SRRM4: variants seen among roughly 807,000 people sequenced by gnomAD.
The protein encoded by SRRM4 is serine/arginine repetitive matrix 4, also known as serine/arginine repetitive matrix protein 4.
Under a neutral mutation model 68.9 loss-of-function variants are expected in SRRM4, and 33 were observed. That is an observed-to-expected ratio of 0.48 (90% CI 0.36 to 0.64). The LOEUF is 0.64. Among genes scored for constraint, SRRM4 ranks in the 30% least tolerant of loss-of-function variants. The probability of loss-of-function intolerance (pLI) is 0.00; values close to 1 mark genes in which losing one functional copy is unlikely to be tolerated. For synonymous variants in SRRM4, 318 were observed against 318.8 expected (o/e 1.00, Z 0.03); for missense variants, 817 against 827.1 (o/e 0.99, Z 0.15).
intron 1 of SRRM4, among the ~76,000 whole-genome samples, chr12:119,080,591 C>T (rs1235167746): frequency 1.3e-5 from 2 of 152,220 alleles, no homozygotes; most frequent in African/African-American, 2.4e-5. Context: ...CACCATGTGG[C>T]TCCTTCTTCC....
intron 1 of SRRM4, among the ~76,000 whole-genome samples, chr12:119,032,461 G>C (rs896051425): frequency 6.6e-6 from 1 of 152,168 alleles, no homozygotes; most frequent in Non-Finnish European, 1.5e-5. Flanking sequence ...TGACTTTGGA[G>C]AGGAGAGTAT....
At chr12:119,120,425 T>A (rs981495502) in intron 5 of SRRM4, 149 bp downstream of exon 5, 3 of 870,330 alleles carry the variant, frequency 3.4e-6, no homozygotes, top group Non-Finnish European at 5.2e-6. Flanking sequence ...AAAATGAAGG[T>A]CTGGGCTGTT....
intron 1 of SRRM4, among the ~76,000 whole-genome samples, chr12:119,057,954 C>T (rs572371225): frequency 1.3e-5 from 2 of 152,134 alleles, no homozygotes; most frequent in Non-Finnish European, 2.9e-5. Context: ...TGATCTTCCC[C>T]AAGGGATGCC....
At chr12:119,084,451 T>C (rs1173104361) in intron 1 of SRRM4, among the ~76,000 whole-genome samples, 4 of 152,204 alleles carry the variant, frequency 2.6e-5, no homozygotes, top group Non-Finnish European at 4.4e-5. Flanking sequence ...TGAAGAAATA[T>C]GTATTACATA....
intron 1 of SRRM4, among the ~76,000 whole-genome samples, chr12:119,020,090 CA>C (rs2136001304): frequency 6.6e-6 from 1 of 151,994 alleles, no homozygotes; most frequent in Non-Finnish European, 1.5e-5. Flanking sequence ...GGGTAAACTC[CA>C]GCCCTCACTT....
intron 1 of SRRM4, among the ~76,000 whole-genome samples, chr12:119,081,033 C>T (rs1304278786): frequency 6.6e-6 from 1 of 152,176 alleles, no homozygotes; most frequent in Non-Finnish European, 1.5e-5. Flanking sequence ...AATCCATTTG[C>T]TTGTTCATTT....
intron 8 of SRRM4, among the ~76,000 whole-genome samples, chr12:119,135,152 A>G (rs1278788632): frequency 2.0e-5 from 3 of 152,146 alleles, no homozygotes; most frequent in Non-Finnish European, 4.4e-5. Context: ...GCTTACCCTG[A>G]TAGTTGGCAT....
rs181508997 is a variant in SRRM4, at chr12:119,135,279, A to G, written c.771+4445A>G. Among the ~76,000 whole-genome samples the G allele has an allele frequency of 2.0e-5, 3 of 152,266 alleles. No homozygotes were observed. In the East Asian group the frequency reaches 5.8e-4, roughly 29 times the overall value. The stretch of plus-strand genomic sequence containing the variant: ...GCTCTCTATCAAGTCTATCATAACC[A>G]GAGAGGAATTCTAGAAGGAGGCTGA... On this transcript the variant is annotated intron_variant, in intron 8 of 12. Transcript: ENST00000267260.
intron 1 of SRRM4, among the ~76,000 whole-genome samples, chr12:119,063,136 T>C (rs906388508): frequency 3.9e-5 from 6 of 152,240 alleles, no homozygotes; most frequent in Non-Finnish European, 8.8e-5. Flanking sequence ...TACTAAATAC[T>C]TGGCACTCTG....
chr12:119,028,790 G>C (rs1194839439), intron 1 of SRRM4, among the ~76,000 whole-genome samples: 1 of 152,218 alleles, frequency 6.6e-6, no homozygotes, highest in African/African-American at 2.4e-5. Context: ...GGCTGCACAT[G>C]CAGGAGAGAC....
At chr12:119,133,126 TCA>T (rs1954308136) in intron 8 of SRRM4, 1 of 152,220 alleles carries the variant, frequency 6.6e-6, no homozygotes, top group African/African-American at 2.4e-5. Context: ...TTTCTGTGTC[TCA>T]GTTTCCTCAA....
intron 8 of SRRM4, among the ~76,000 whole-genome samples, chr12:119,135,459 A>T (rs1459279693): frequency 6.6e-6 from 1 of 152,222 alleles, no homozygotes; most frequent in Non-Finnish European, 1.5e-5. Flanking sequence ...GTAGTCCATA[A>T]AAGAGGATCT....
At chr12:119,152,620 G>C (rs1954446936) in intron 10 of SRRM4, among the ~76,000 whole-genome samples, 1 of 152,222 alleles carries the variant, frequency 6.6e-6, no homozygotes, top group African/African-American at 2.4e-5. Flanking sequence ...ATATGGTGCA[G>C]TGAATGGAAA....
In SRRM4 at chr12:119,160,676, A is replaced by T. The variant is rs1289567556; in HGVS notation, c.*3878A>T. 2 of 152,222 alleles carry T rather than the reference A, an allele frequency of 1.3e-5. No homozygotes were observed. Among genetic ancestry groups the T allele is most frequent in the African/African-American group, 4.8e-5 (2 of 41,450 alleles). 9.4% of individuals were successfully genotyped at this position (152,222 alleles called of 1,614,324 possible). A position where few individuals can be genotyped will look rare whatever the true frequency, so the allele number is the denominator to read the frequency against. On this transcript the variant is annotated 3_prime_UTR_variant, in exon 13 of 13. Transcript: ENST00000267260. ...CTAGGGCAAAGTTCGACCTCTGTTA[A>T]GTGGAGGGATTTGTGAGATAAAAAT...
intron 1 of SRRM4, among the ~76,000 whole-genome samples, chr12:119,061,761 G>T (rs1489124603): frequency 6.6e-6 from 1 of 151,968 alleles, no homozygotes; most frequent in African/African-American, 2.4e-5. Context: ...TTGACATATG[G>T]GGCTGGATAA....
intron 1 of SRRM4, among the ~76,000 whole-genome samples, chr12:119,100,471 C>G (rs1954071989): frequency 6.6e-6 from 1 of 151,642 alleles, no homozygotes; most frequent in Non-Finnish European, 1.5e-5. Context: ...TCCTGGACAA[C>G]ACAGTGAGAC....
chr12:119,106,688 A>T (rs553964360), intron 2 of SRRM4, among the ~76,000 whole-genome samples: 1 of 152,350 alleles, frequency 6.6e-6, no homozygotes, highest in Admixed American at 6.5e-5. Flanking sequence ...AAAGTTGCTT[A>T]TCAGCTTAAG....
intron 1 of SRRM4, among the ~76,000 whole-genome samples, chr12:119,017,622 C>A (rs1009895926): frequency 3.2e-4 from 48 of 152,088 alleles, no homozygotes; most frequent in African/African-American, 1.1e-3. Context: ...AAGTGGAAGA[C>A]TAATATCTTG....
At chr12:119,128,607 C>T (rs1289769086) in intron 7 of SRRM4, among the ~76,000 whole-genome samples, 1 of 152,228 alleles carries the variant, frequency 6.6e-6, no homozygotes, top group Non-Finnish European at 1.5e-5. Context: ...TGAGCTAAAA[C>T]ACATCTCTGA....
Sources: allele counts gnomAD v4.1 joint callset (sites outside exome capture counted in the v4.1 genomes callset), GRCh38; gene constraint gnomAD v4.1.1; transcripts MANE v1.5; gene names NCBI Gene and HGNC (gene_info 2026-07-23, HGNC 2026-07-21).